The following SYN3 variants were observed in gnomAD, a reference collection of about 807,000 sequenced individuals.
SYN3 encodes the protein synapsin-3.
Under a neutral mutation model 65.8 loss-of-function variants are expected in SYN3, and 35 were observed. The observed-to-expected ratio is 0.53, with a 90% CI of 0.41 to 0.70. The LOEUF is 0.70. Ranked by LOEUF, SYN3 falls within the 30% of genes least tolerant of loss-of-function variation. The probability of loss-of-function intolerance (pLI) is 0.00; values close to 1 mark genes in which losing one functional copy is unlikely to be tolerated. For missense variants in SYN3, 680 were observed against 749.0 expected, an observed-to-expected ratio of 0.91 and a Z score of 1.08; for synonymous variants, 270 against 292.9, an observed-to-expected ratio of 0.92 and a Z score of 0.80.
At chr22:32,957,690 T>A (rs1173272749) in intron 3 of SYN3, among the ~76,000 whole-genome samples, 1 of 152,204 alleles carries the variant, frequency 6.6e-6, no homozygotes. Flanking sequence ...CAGCTTGGTA[T>A]GAACTGGTCA....
Position 32,993,330 on chromosome 22 carries a change from C to T in SYN3, c.312-12628G>A, listed in dbSNP as rs1184038203. Among the ~76,000 whole-genome samples, 4 of 152,270 alleles carry T rather than the reference C, an allele frequency of 2.6e-5. No individual in the cohort carries two copies. In the South Asian group the frequency reaches 6.2e-4, roughly 24 times the overall value. On this transcript the variant is annotated intron_variant, in intron 2 of 13. Coordinates refer to ENST00000358763, the MANE Select transcript of SYN3 (RefSeq NM_003490.4). ...CTTTGCTTCTGCAAGCTTCCCCATA[C>T]ATTTTCAATAAATCTCTTTTGTTTG...
intron 6 of SYN3, among the ~76,000 whole-genome samples, chr22:32,603,409 A>G (rs1233087435): frequency 2.0e-5 from 3 of 151,090 alleles, no homozygotes; most frequent in Non-Finnish European, 4.4e-5. Context: ...AGTCCCAGCT[A>G]CTAGGGAGGC....
chr22:32,593,155 T>C (rs2858723), intron 7 of SYN3, among the ~76,000 whole-genome samples: 1 of 152,084 alleles, frequency 6.6e-6, no homozygotes, highest in South Asian at 2.1e-4. Flanking sequence ...TCGAGACTGT[T>C]ACTGCAAGTT....
chr22:32,958,090 A>C (rs139847746), intron 3 of SYN3, among the ~76,000 whole-genome samples: 8 of 152,346 alleles, frequency 5.3e-5, no homozygotes, highest in African/African-American at 1.9e-4. Context: ...AGACAACAAC[A>C]TGCTCAACTC....
At chr22:33,034,373 A>C (rs2053814582) in intron 1 of SYN3, among the ~76,000 whole-genome samples, 1 of 151,638 alleles carries the variant, frequency 6.6e-6, no homozygotes, top group Non-Finnish European at 1.5e-5. Flanking sequence ...CAGCCTCCCG[A>C]GTAGGTGGGA....
At chr22:32,945,651 A>C (rs1286318582) in intron 3 of SYN3, among the ~76,000 whole-genome samples, 1 of 152,234 alleles carries the variant, frequency 6.6e-6, no homozygotes, top group African/African-American at 2.4e-5. Flanking sequence ...CATGTCTAAA[A>C]CACCAAAAGC....
Position 32,583,961 on chromosome 22 carries a change from G to A in SYN3, c.774+12713C>T, listed in dbSNP as rs150714377. 2.0e-5 allele frequency: 3 copies of A among 152,250 alleles called. No individual in the cohort carries two copies. The East Asian group carries it at 5.8e-4, about 29-fold the overall frequency. The allele number at this position is 152,250 out of a possible 1,614,324, so 9.4% of individuals were successfully genotyped here. On this transcript the variant is annotated intron_variant, in intron 7 of 13. Coordinates refer to ENST00000358763, the MANE Select transcript of SYN3 (RefSeq NM_003490.4). ...TCAGATCCTGAATTCCAGCAGGAAA[G>A]CTAATGCCAACCAGTTTGAAAACAA...
chr22:33,055,302 C>G (rs2054236725), intron 1 of SYN3, among the ~76,000 whole-genome samples: 1 of 152,216 alleles, frequency 6.6e-6, no homozygotes, highest in Admixed American at 6.5e-5. Context: ...TGCCTTCAAA[C>G]TCATCTCGGG....
At chr22:32,970,144 T>C (rs1431067701) in intron 3 of SYN3, among the ~76,000 whole-genome samples, 9 of 152,244 alleles carry the variant, frequency 5.9e-5, no homozygotes. Flanking sequence ...TGCTAGGCTC[T>C]GCTTCAAGTG....
chr22:32,524,112 C>T (rs130447), intron 12 of SYN3, among the ~76,000 whole-genome samples: 147,812 of 152,362 alleles, frequency 0.97, 71,734 homozygotes, highest in East Asian at 1. Context: ...GGAAAGAAGC[C>T]ATCTCCATAA....
At chr22:32,845,351 C>A (rs967909820) in intron 6 of SYN3, among the ~76,000 whole-genome samples, 2 of 152,072 alleles carry the variant, frequency 1.3e-5, no homozygotes, top group African/African-American at 4.8e-5. Context: ...CGGCCCCATG[C>A]CCAGCTAATT....
chr22:32,870,146 A>C (rs2048810660), intron 4 of SYN3, among the ~76,000 whole-genome samples: 1 of 152,248 alleles, frequency 6.6e-6, no homozygotes, highest in Admixed American at 6.5e-5. Context: ...AAAGTAATAC[A>C]CATTCTTTGT....
chr22:32,856,775 C>T (rs953889070), intron 6 of SYN3, among the ~76,000 whole-genome samples: 1 of 152,144 alleles, frequency 6.6e-6, no homozygotes, highest in African/African-American at 2.4e-5. Context: ...TCTGCGTACT[C>T]GTATTTTTGT....
At chr22:32,765,696 T>C (rs1162095203) in intron 6 of SYN3, among the ~76,000 whole-genome samples, 1 of 151,926 alleles carries the variant, frequency 6.6e-6, no homozygotes, top group Non-Finnish European at 1.5e-5. Context: ...TGGGAAAGGC[T>C]AGAGATAGAG....
intron 6 of SYN3, among the ~76,000 whole-genome samples, chr22:32,648,049 G>C (rs111290660): frequency 0.012 from 1,797 of 152,086 alleles, 17 homozygotes; most frequent in Non-Finnish European, 0.017. Context: ...GTAGGGATTG[G>C]GGGGGTGTCT....
Position 32,886,170 on chromosome 22 carries a change from G to A in SYN3, c.462-17045C>T, listed in dbSNP as rs551023475. ...AAGTGTGTTTACAATGACACACATG[G>A]GTAAATTTTAAAAATGCAATAGTAA... On this transcript the variant is annotated intron_variant, in intron 4 of 13. Coordinates refer to ENST00000358763, the MANE Select transcript of SYN3 (RefSeq NM_003490.4). 3.9e-5 allele frequency among the ~76,000 whole-genome samples: 6 copies of A among 152,176 alleles called. No individual in the cohort carries two copies. In the East Asian group the frequency reaches 1.2e-3, roughly 29 times the overall value.
intron 7 of SYN3, among the ~76,000 whole-genome samples, chr22:32,587,507 G>C (rs1306856755): frequency 6.6e-6 from 1 of 152,152 alleles, no homozygotes; most frequent in Non-Finnish European, 1.5e-5. Context: ...CTGTCTCCCA[G>C]TTGCGGGGAA....
intron 6 of SYN3, among the ~76,000 whole-genome samples, chr22:32,766,387 G>T (rs1030931096): frequency 2.0e-5 from 3 of 152,178 alleles, no homozygotes; most frequent in African/African-American, 7.2e-5. Flanking sequence ...CACATAGTAG[G>T]CCCTCCACAA....
intron 12 of SYN3, among the ~76,000 whole-genome samples, chr22:32,520,340 T>C (rs1183356758): frequency 6.6e-6 from 1 of 151,790 alleles, no homozygotes; most frequent in Admixed American, 6.6e-5. Flanking sequence ...TGTCGCTGTG[T>C]TGCCCAGGCT....
Sources: gnomAD v4.1 joint callset for allele counts (sites outside exome capture counted in the v4.1 genomes callset) on GRCh38, gnomAD v4.1.1 for gene constraint, MANE v1.5 for transcripts, NCBI Gene and HGNC (gene_info 2026-07-23, HGNC 2026-07-21) for gene names.